The following NAALADL2 variants were observed in gnomAD, a reference collection of about 807,000 sequenced individuals.
NAALADL2 encodes inactive N-acetylated-alpha-linked acidic dipeptidase-like protein 2.
Under a neutral mutation model 87.2 loss-of-function variants are expected in NAALADL2, and 76 were observed. The observed-to-expected ratio is 0.87, with a 90% CI of 0.72 to 1.05. The LOEUF (loss-of-function observed/expected upper bound fraction) is 1.05, where lower values mean the gene tolerates loss of function less well. NAALADL2 is among the 50% of genes least tolerant of loss of function. NAALADL2 has a pLI of 0.00. For synonymous variants in NAALADL2, 354 were observed against 331.0 expected (o/e 1.07, Z -0.75); for missense variants, 1,089 against 945.8 (o/e 1.15, Z -1.99).
At chr3:175,583,487 C>A in intron 10 of NAALADL2, among the ~76,000 whole-genome samples, 1 of 77,082 alleles carries the variant, frequency 1.3e-5, no homozygotes, top group Admixed American at 1.5e-4. Flanking sequence ...AAAGGATGAG[C>A]TGCAAAAAAA....
chr3:174,768,358 A>C (rs559825907), intron 3 of NAALADL2, among the ~76,000 whole-genome samples: 184 of 152,236 alleles, frequency 1.2e-3, no homozygotes, highest in African/African-American at 4.3e-3. Context: ...TTTGAGTGAG[A>C]TAGAGCTGGG....
intron 9 of NAALADL2, among the ~76,000 whole-genome samples, chr3:175,478,006 A>G (rs534056269): frequency 2.0e-5 from 3 of 152,232 alleles, no homozygotes; most frequent in South Asian, 4.1e-4. Flanking sequence ...TTCAGTACTG[A>G]AACAAAGCTT....
Position 175,698,369 on chromosome 3 carries a change from G to A in NAALADL2, c.1897-38937G>A, listed in dbSNP as rs548369744. On this transcript the variant is annotated intron_variant, in intron 11 of 13. Transcript: ENST00000454872. ...TGTGTATTTATGTATGTGTATATAT[G>A]TATGTGTATTTATGTATGTATACAT... Among the ~76,000 whole-genome samples, 117 of 113,398 alleles carry A rather than the reference G, an allele frequency of 1.0e-3. 23 individuals are homozygous for A. The highest frequency in any genetic ancestry group is 3.8e-3 in the African/African-American group (100 of 26,156). 74.4% of individuals were successfully genotyped at this position (113,398 alleles called of 152,430 possible).
chr3:175,646,705 T>A (rs1433085526), intron 11 of NAALADL2, among the ~76,000 whole-genome samples: 1 of 152,106 alleles, frequency 6.6e-6, no homozygotes, highest in Admixed American at 6.6e-5. Context: ...TATGCCATAT[T>A]GCCTTCCATC....
At chr3:175,187,785 A>T (rs1214747210) in intron 2 of NAALADL2, among the ~76,000 whole-genome samples, 1 of 152,180 alleles carries the variant, frequency 6.6e-6, no homozygotes, top group East Asian at 1.9e-4. Flanking sequence ...CTCCCATATT[A>T]TGGGCCAAGC....
Position 175,013,258 on chromosome 3 carries a change from CAT to C in NAALADL2, c.44-83527_44-83526del, listed in dbSNP as rs1750328619. Among the ~76,000 whole-genome samples the C allele has an allele frequency of 3.9e-5, 3 of 76,142 alleles. No individual in the cohort carries two copies. The Admixed American group carries it at 4.7e-4, about 12-fold the overall frequency. 50.0% of individuals were successfully genotyped at this position (76,142 alleles called of 152,430 possible). A position where few individuals can be genotyped will look rare whatever the true frequency, so the allele number is the denominator to read the frequency against. ...ACACATATATAAAATATATAATATA[CAT>C]ATATTTTTATATATATACATATATA... On this transcript the variant is annotated intron_variant, in intron 1 of 13. Transcript: ENST00000454872.
At chr3:174,868,211 T>G (rs1182399988) in intron 1 of NAALADL2, among the ~76,000 whole-genome samples, 2 of 152,146 alleles carry the variant, frequency 1.3e-5, no homozygotes, top group African/African-American at 4.8e-5. Flanking sequence ...ATTGCATTTG[T>G]GATAACAGTG....
Position 175,755,352 on chromosome 3 carries a change from T to A in NAALADL2, c.2123T>A (p.Leu708Gln). The A allele has an allele frequency of 6.2e-7, 1 of 1,612,590 alleles. No individual in the cohort carries two copies. Among genetic ancestry groups the A allele is most frequent in the Non-Finnish European group, 8.5e-7 (1 of 1,179,262 alleles). Residue 708 changes from leucine (L) to glutamine (Q), a missense_variant, in exon 13 of 14, where the codon CTG becomes CAG. Transcript: ENST00000454872. ...AGAGCACCCATCCGCATCCGGATGC[T>A]GAATGACATTCTCCAAGACATGGAG... ...KERAPIRIRMLNDILQDMEKS... is the reference protein window; with the variant it reads ...KERAPIRIRMQNDILQDMEKS...
chr3:175,581,911 A>G (rs77149904), intron 10 of NAALADL2, among the ~76,000 whole-genome samples: 2,666 of 152,320 alleles, frequency 0.018, 69 homozygotes, highest in African/African-American at 0.06. Context: ...GTGATTCTAT[A>G]TAAAACTGTG....
chr3:175,700,104 T>C (rs1738778860), intron 11 of NAALADL2, among the ~76,000 whole-genome samples: 1 of 152,182 alleles, frequency 6.6e-6, no homozygotes, highest in Non-Finnish European at 1.5e-5. Context: ...TACAGTGCTC[T>C]TTTGAGAGCA....
intron 1 of NAALADL2, among the ~76,000 whole-genome samples, chr3:174,873,524 A>G (rs1218487921): frequency 6.6e-6 from 1 of 152,056 alleles, no homozygotes; most frequent in Non-Finnish European, 1.5e-5. Context: ...AAGTCCTGGG[A>G]TTACAGACAT....
intron 5 of NAALADL2, among the ~76,000 whole-genome samples, chr3:175,343,678 C>CTTTTTTTTTTTTTTTTT (rs1581505068): frequency 2.0e-5 from 1 of 49,184 alleles, no homozygotes; most frequent in Admixed American, 2.4e-4. Flanking sequence ...TTTTTTTTTC[C>CTTTTTTTTTTTTTTTTT]CTTCCCACTG....
chr3:175,623,557 T>A (rs1188564805), intron 10 of NAALADL2, among the ~76,000 whole-genome samples: 1 of 152,044 alleles, frequency 6.6e-6, no homozygotes, highest in Non-Finnish European at 1.5e-5. Context: ...AAATTATGGA[T>A]CTTGAGATAA....
intron 4 of NAALADL2, among the ~76,000 whole-genome samples, chr3:175,272,766 G>A (rs1354439810): frequency 6.6e-6 from 1 of 151,948 alleles, no homozygotes; most frequent in Non-Finnish European, 1.5e-5. Flanking sequence ...ATAATTCTGG[G>A]TCTACAAAAA....
intron 1 of NAALADL2, among the ~76,000 whole-genome samples, chr3:174,920,868 A>G (rs1460963934): frequency 5.3e-5 from 8 of 152,172 alleles, no homozygotes; most frequent in Non-Finnish European, 1.5e-5. Context: ...TCCTAATTTC[A>G]GTATAGTTGT....
chr3:175,305,856 A>G (rs967077199), intron 4 of NAALADL2, among the ~76,000 whole-genome samples: 20 of 152,158 alleles, frequency 1.3e-4, no homozygotes, highest in Admixed American at 1.0e-3. Flanking sequence ...ATTACATAAT[A>G]TATACCTTCC....
chr3:175,003,147 A>G (rs1748469354), intron 1 of NAALADL2, among the ~76,000 whole-genome samples: 1 of 152,200 alleles, frequency 6.6e-6, no homozygotes, highest in Non-Finnish European at 1.5e-5. Context: ...TCATTAAAAA[A>G]TGTTTATGCC....
chr3:175,467,321 C>A (rs1325789367), intron 8 of NAALADL2, 137 bp downstream of exon 8: 2 of 654,114 alleles, frequency 3.1e-6, no homozygotes, highest in East Asian at 2.7e-5. Context: ...GCTGAGATGG[C>A]TTATAATAAT....
intron 1 of NAALADL2, among the ~76,000 whole-genome samples, chr3:174,942,727 G>C (rs888304496): frequency 2.6e-5 from 4 of 151,976 alleles, no homozygotes; most frequent in African/African-American, 9.7e-5. Context: ...GGTTTTGTTT[G>C]CTCCGTTTTA....
Sources: allele counts gnomAD v4.1 joint callset (sites outside exome capture counted in the v4.1 genomes callset), GRCh38; gene constraint gnomAD v4.1.1; transcripts MANE v1.5; gene names NCBI Gene and HGNC (gene_info 2026-07-23, HGNC 2026-07-21).